CSMD3: variants seen among roughly 807,000 people sequenced by gnomAD.
The protein encoded by CSMD3 is CUB and Sushi multiple domains 3.
In CSMD3, 177 loss-of-function variants were observed where a neutral mutation model predicts 435.2. The ratio of observed to expected loss-of-function variants is 0.41; its 90% confidence interval spans 0.36 to 0.46. The LOEUF (loss-of-function observed/expected upper bound fraction) is 0.46, where lower values mean the gene tolerates loss of function less well. CSMD3 is among the 20% of genes least tolerant of loss of function. The pLI is 0.34. For synonymous variants in CSMD3, 1,656 were observed against 1,520.5 expected (o/e 1.09, Z -2.07); for missense variants, 4,265 against 4,504.6 (o/e 0.95, Z 1.52).
At chr8:113,243,579 A>G (rs1296282914) in intron 3 of CSMD3, among the ~76,000 whole-genome samples, 1 of 152,086 alleles carries the variant, frequency 6.6e-6, no homozygotes, top group Non-Finnish European at 1.5e-5. Context: ...GCCATCATGT[A>G]CAAGTTTTTG....
intron 5 of CSMD3, among the ~76,000 whole-genome samples, chr8:113,088,323 C>G (rs1443348706): frequency 6.6e-6 from 1 of 151,224 alleles, no homozygotes; most frequent in African/African-American, 2.4e-5. Flanking sequence ...GGATCTAGAA[C>G]TGGAAATACC....
intron 6 of CSMD3, among the ~76,000 whole-genome samples, chr8:112,995,479 C>T (rs2085616162): frequency 6.6e-6 from 1 of 151,346 alleles, no homozygotes; most frequent in South Asian, 2.1e-4. Context: ...AGAGTTTTAA[C>T]GTTTCGCACC....
At chr8:112,598,619 T>C (rs371144486) in intron 22 of CSMD3, among the ~76,000 whole-genome samples, 2 of 150,258 alleles carry the variant, frequency 1.3e-5, no homozygotes, top group Non-Finnish European at 3.0e-5. Context: ...CTTCAAACTA[T>C]ACTACAAGGC....
chr8:113,087,499 A>C (rs369307659), intron 5 of CSMD3, among the ~76,000 whole-genome samples: 135 of 152,072 alleles, frequency 8.9e-4, no homozygotes, highest in South Asian at 2.1e-3. Flanking sequence ...GGTACTGGTA[A>C]CAAAACAGAG....
rs1398496415 is a variant in CSMD3, at chr8:112,231,626, C to A, written c.10747G>T (p.Ala3583Ser). 1.2e-6 allele frequency: 2 copies of A among 1,603,348 alleles called. No individual in the cohort carries two copies. ...ACATAAGTAGCTCCATCAGGCTCAG[C>A]AGAAACCTAAAAATATTTAAACAGC... ...ENWAMDGFVSAEPDGATYVFQ... is the reference protein window; with the variant it reads ...ENWAMDGFVSSEPDGATYVFQ... Residue 3583 changes from alanine (A) to serine (S), a missense_variant, in exon 69 of 71, where the codon GCT becomes TCT. Ala to Ser is a moderately conservative substitution (Grantham distance 99). Transcript: ENST00000297405.
chr8:113,301,563 G>C (rs1406257008), intron 2 of CSMD3, among the ~76,000 whole-genome samples: 1 of 151,568 alleles, frequency 6.6e-6, no homozygotes, highest in African/African-American at 2.4e-5. Context: ...GTAGGCAGTG[G>C]CTGTGGCAAG....
rs1254677813 is a variant in CSMD3 at position 112,524,535 on chromosome 8, T to C, written c.4565-7310A>G. 2.0e-5 allele frequency among the ~76,000 whole-genome samples: 3 copies of C among 152,076 alleles called. No individual in the cohort carries two copies. The East Asian group carries it at 5.8e-4, about 29-fold the overall frequency. ...GGACACAAATATCAACAGGATGATA[T>C]CCTTACCCTTCAAGGAACACAGGCT... On this transcript the variant is annotated intron_variant, in intron 27 of 70. Transcript: ENST00000297405.
chr8:112,510,283 A>C (rs1027158567), intron 28 of CSMD3, among the ~76,000 whole-genome samples: 2 of 152,208 alleles, frequency 1.3e-5, no homozygotes, highest in African/African-American at 4.8e-5. Context: ...ACTGTTTCAC[A>C]TTGTCTAAAA....
chr8:112,309,305 A>G (rs945697475), intron 50 of CSMD3, among the ~76,000 whole-genome samples: 1 of 151,920 alleles, frequency 6.6e-6, no homozygotes, highest in Non-Finnish European at 1.5e-5. Flanking sequence ...TAAGGATTAT[A>G]TATGTATACC....
At chr8:112,747,532 T>G in intron 13 of CSMD3, among the ~76,000 whole-genome samples, 1 of 152,146 alleles carries the variant, frequency 6.6e-6, no homozygotes, top group Non-Finnish European at 1.5e-5. Flanking sequence ...ATAGGCATTG[T>G]CTGCAAAAAC....
chr8:112,777,125 A>T (rs2078266068), intron 13 of CSMD3, among the ~76,000 whole-genome samples: 1 of 151,860 alleles, frequency 6.6e-6, no homozygotes, highest in Non-Finnish European at 1.5e-5. Flanking sequence ...ATGAAAGACA[A>T]GCAAAAATAA....
intron 32 of CSMD3, among the ~76,000 whole-genome samples, chr8:112,429,327 C>T (rs1813414605): frequency 6.6e-6 from 1 of 151,982 alleles, no homozygotes. Flanking sequence ...TTTCACTTAA[C>T]ATAATATCTT....
At chr8:112,373,326 T>C (rs1268050727) in intron 38 of CSMD3, among the ~76,000 whole-genome samples, 6 of 152,096 alleles carry the variant, frequency 3.9e-5, no homozygotes, top group Admixed American at 2.6e-4. Flanking sequence ...GGCAGAACTT[T>C]TATCTTAGAG....
At chr8:112,348,638 T>C (rs1825877844) in intron 40 of CSMD3, among the ~76,000 whole-genome samples, 1 of 152,126 alleles carries the variant, frequency 6.6e-6, no homozygotes, top group Non-Finnish European at 1.5e-5. Flanking sequence ...GGTTCATGCC[T>C]GTAATCTCAG....
At chr8:112,667,700 G>A (rs2075559244) in intron 16 of CSMD3, among the ~76,000 whole-genome samples, 1 of 152,000 alleles carries the variant, frequency 6.6e-6, no homozygotes, top group Non-Finnish European at 1.5e-5. Flanking sequence ...CTTTCAGGAA[G>A]TATACACAGA....
At chr8:112,576,485 T>C (rs2131313205) in intron 23 of CSMD3, among the ~76,000 whole-genome samples, 1 of 152,188 alleles carries the variant, frequency 6.6e-6, no homozygotes, top group East Asian at 1.9e-4. Context: ...ATTGTCTGTA[T>C]ATTAGATTAG....
intron 32 of CSMD3, among the ~76,000 whole-genome samples, chr8:112,447,722 A>G (rs1036535979): frequency 1.8e-4 from 28 of 152,198 alleles, no homozygotes; most frequent in South Asian, 6.2e-4. Flanking sequence ...GTGCACAAAA[A>G]TAACTGTTGC....
chr8:113,302,626 C>T (rs1231530366), intron 2 of CSMD3, among the ~76,000 whole-genome samples: 1 of 151,976 alleles, frequency 6.6e-6, no homozygotes, highest in Admixed American at 6.6e-5. Flanking sequence ...ATCAAATGGT[C>T]ACTTCGATTA....
At chr8:112,846,038 A>T (rs2080307969) in intron 11 of CSMD3, among the ~76,000 whole-genome samples, 1 of 151,790 alleles carries the variant, frequency 6.6e-6, no homozygotes, top group Non-Finnish European at 1.5e-5. Flanking sequence ...CAATAATATG[A>T]CTCACTCTAT....
Sources: allele counts gnomAD v4.1 joint callset (sites outside exome capture counted in the v4.1 genomes callset), GRCh38; gene constraint gnomAD v4.1.1; transcripts MANE v1.5; gene names NCBI Gene and HGNC (gene_info 2026-07-23, HGNC 2026-07-21).